The following TRPS1 variants were observed in gnomAD, a reference collection of about 807,000 sequenced individuals.
The protein encoded by TRPS1 is zinc finger transcription factor Trps1.
In TRPS1, 6 loss-of-function variants were observed where a neutral mutation model predicts 101.2. The observed-to-expected ratio is 0.06, with a 90% CI of 0.03 to 0.12. The LOEUF (loss-of-function observed/expected upper bound fraction) is 0.12. Ranked by LOEUF, TRPS1 falls within the 10% of genes least tolerant of loss-of-function variation. The pLI is 1.00. For synonymous variants in TRPS1, 578 were observed against 589.8 expected, an observed-to-expected ratio of 0.98 and a Z score of 0.29; for missense variants, 1,363 against 1,567.0, an observed-to-expected ratio of 0.87 and a Z score of 2.20.
chr8:115,637,899 C>G (rs1346184258), intron 1 of TRPS1, among the ~76,000 whole-genome samples: 1 of 152,186 alleles, frequency 6.6e-6, no homozygotes, highest in Non-Finnish European at 1.5e-5. Flanking sequence ...GTGTTTTATT[C>G]TAGCCCCGTT....
rs906907658 is a variant in TRPS1 at position 115,587,105 on chromosome 8, G to A, written c.2596C>T (p.Leu866=). ...TCTCCGCCAGCTGGCGCCCCCTGCA[G>A]GAATCCCTTGGTTTCCACAGCCAAG... is the stretch of plus-strand genomic sequence containing the variant. ...YGLAVETKGF[L]QGAPAGGEKS... The change falls in exon 5 of 7, where the codon CTG becomes TTG. Residue 866 remains leucine (L), a synonymous_variant. Transcript: ENST00000395715. 3 of 1,614,092 alleles carry A rather than the reference G, an allele frequency of 1.9e-6. No individual in the cohort carries two copies. The highest frequency in any genetic ancestry group is 2.5e-6 in the Non-Finnish European group (3 of 1,180,016).
At chr8:115,615,027 C>T (rs1221626349) in intron 3 of TRPS1, among the ~76,000 whole-genome samples, 1 of 152,246 alleles carries the variant, frequency 6.6e-6, no homozygotes, top group Non-Finnish European at 1.5e-5. Flanking sequence ...ACATATTGTG[C>T]AACTCTGATA....
chr8:115,442,177 A>G (rs1225743793), intron 5 of TRPS1, among the ~76,000 whole-genome samples: 1 of 152,118 alleles, frequency 6.6e-6, no homozygotes, highest in Non-Finnish European at 1.5e-5. Flanking sequence ...GTGCATGTAG[A>G]TATTTAGGAG....
At chr8:115,466,207 G>A (rs1013630141) in intron 5 of TRPS1, among the ~76,000 whole-genome samples, 5 of 152,098 alleles carry the variant, frequency 3.3e-5, no homozygotes, top group African/African-American at 1.2e-4. Flanking sequence ...TTTTCAAATG[G>A]ATTAACTCAT....
At chr8:115,502,921 T>C (rs1194404226) in intron 5 of TRPS1, among the ~76,000 whole-genome samples, 2 of 152,184 alleles carry the variant, frequency 1.3e-5, no homozygotes, top group Non-Finnish European at 2.9e-5. Context: ...AACCTACTGA[T>C]AAGCCCTACT....
Position 115,619,946 on chromosome 8 carries a change from G to A in TRPS1, c.152C>T (p.Ser51Phe), listed in dbSNP as rs375022768. 17 of 1,614,052 alleles carry A rather than the reference G, an allele frequency of 1.1e-5. No homozygotes were observed. The highest frequency in any genetic ancestry group is 1.6e-4 in the Middle Eastern group (1 of 6,084). The change falls in exon 3 of 7, where the codon TCT becomes TTT. Residue 51 changes from serine (S) to phenylalanine (F), a missense_variant. Ser to Phe is a radical substitution (Grantham distance 155). Transcript: ENST00000395715. The stretch of plus-strand genomic sequence containing the variant: ...CGTATTTTCTGACATCTGATCTGCA[G>A]AAAATTCTTTGTTCTTTCCAGATAC... The part of the protein sequence containing the change: ...SKVSGKNKEF[S>F]ADQMSENTDQ...
At chr8:115,492,786 T>A (rs1815060165) in intron 5 of TRPS1, among the ~76,000 whole-genome samples, 1 of 152,084 alleles carries the variant, frequency 6.6e-6, no homozygotes, top group Non-Finnish European at 1.5e-5. Flanking sequence ...AGATCTCGGC[T>A]CACTGCAACC....
chr8:115,450,172 C>A (rs1037927078), intron 5 of TRPS1, among the ~76,000 whole-genome samples: 1 of 152,106 alleles, frequency 6.6e-6, no homozygotes, highest in Non-Finnish European at 1.5e-5. Context: ...CTTACAAAAA[C>A]CTGATTAAAA....
Position 115,464,455 on chromosome 8 carries a change from T to C in TRPS1, c.2701-46003A>G, listed in dbSNP as rs112436805. ...CACTCAAACTATTTAGGAAACTGTC[T>C]GAAGTCTGAGAGTGTAGTTCATTAT... On this transcript the variant is annotated intron_variant, in intron 5 of 6. Coordinates refer to ENST00000395715, the MANE Select transcript of TRPS1 (RefSeq NM_014112.5). Among the ~76,000 whole-genome samples the C allele has an allele frequency of 4.5e-3, 685 of 152,252 alleles. 7 individuals carry two copies. Among genetic ancestry groups the C allele is most frequent in the African/African-American group, 0.015 (608 of 41,572 alleles).
At chr8:115,503,325 T>C (rs1389744221) in intron 5 of TRPS1, among the ~76,000 whole-genome samples, 2 of 149,430 alleles carry the variant, frequency 1.3e-5, no homozygotes, top group African/African-American at 2.5e-5. Flanking sequence ...TACCATAAAA[T>C]TGAACCACTG....
At chr8:115,454,761 T>C (rs755809036) in intron 5 of TRPS1, among the ~76,000 whole-genome samples, 15 of 152,188 alleles carry the variant, frequency 9.9e-5, no homozygotes, top group Non-Finnish European at 2.1e-4. Flanking sequence ...TAAAAGATCC[T>C]GCTTTCCAAA....
intron 5 of TRPS1, among the ~76,000 whole-genome samples, chr8:115,442,550 C>CGTGTGTGTGTGTGTGTGT (rs10570037): frequency 2.1e-5 from 3 of 145,014 alleles, no homozygotes; most frequent in African/African-American, 7.6e-5. Context: ...AAGTATGGTG[C>CGTGTGTGTGTGTGTGTGT]GTGTGTGTGT....
intron 5 of TRPS1, among the ~76,000 whole-genome samples, chr8:115,527,245 C>T (rs1256183040): frequency 6.6e-6 from 1 of 151,756 alleles, no homozygotes; most frequent in Non-Finnish European, 1.5e-5. Context: ...AATCTTTATT[C>T]TCTAAGCTCT....
chr8:115,562,876 CTGTGTGTGTGTGTGTGTGTGTG>C (rs10588354), intron 5 of TRPS1, among the ~76,000 whole-genome samples: 20 of 132,676 alleles, frequency 1.5e-4, no homozygotes, highest in African/African-American at 3.5e-4. Flanking sequence ...CCCACAGTGT[CTGTGTGTGTGTGTGTGTGTGTG>C]TGTGTGTGTG....
At chr8:115,475,220 C>A (rs1216704948) in intron 5 of TRPS1, among the ~76,000 whole-genome samples, 1 of 142,644 alleles carries the variant, frequency 7.0e-6, no homozygotes, top group South Asian at 2.2e-4. Context: ...TGAATAACTT[C>A]TAGGGATGAT....
chr8:115,637,598 G>T (rs2130577383), intron 1 of TRPS1, among the ~76,000 whole-genome samples: 1 of 152,190 alleles, frequency 6.6e-6, no homozygotes, highest in African/African-American at 2.4e-5. Context: ...TAGCTATATT[G>T]GAGTTATGAC....
intron 1 of TRPS1, among the ~76,000 whole-genome samples, chr8:115,658,976 T>C (rs1345546570): frequency 6.6e-6 from 1 of 152,050 alleles, no homozygotes; most frequent in Non-Finnish European, 1.5e-5. Flanking sequence ...AAGCAAAATA[T>C]GTTATAAATA....
rs184188279 is a variant in TRPS1 at position 115,600,149 on chromosome 8, C to T, written c.2096+3724G>A. 7.2e-5 allele frequency among the ~76,000 whole-genome samples: 11 copies of T among 152,218 alleles called. No individual in the cohort carries two copies. The East Asian group carries it at 2.1e-3, about 29-fold the overall frequency. The stretch of plus-strand genomic sequence containing the variant: ...ATAAATATCTTCTTTTGCGAAGTGC[C>T]TGTTCATATAGTCTCATGTTGCTTG... On this transcript the variant is annotated intron_variant, in intron 4 of 6. Transcript: ENST00000395715.
rs767630324 is a variant in TRPS1, at chr8:115,604,206, T to C, written c.1763A>G (p.Glu588Gly). The change falls in exon 4 of 7, where the codon GAA becomes GGA. Residue 588 changes from glutamate (E) to glycine (G), a missense_variant. Glu to Gly is a moderately conservative substitution (Grantham distance 98). Coordinates refer to ENST00000395715, the MANE Select transcript of TRPS1 (RefSeq NM_014112.5). The surrounding 1 kb of genome is among the most constrained non-coding windows in gnomAD (Gnocchi z 4.1). ...PFCPRGLCSP[E>G]KHLGEITYPF... ...ATAAGTAATTTCTCCAAGGTGCTTT[T>C]CTGGGCTGCAAAGTCCTCTGGGACA... The C allele has an allele frequency of 1.9e-6, 3 of 1,614,084 alleles. No homozygotes were observed. The South Asian group carries it at 3.3e-5, about 18-fold the overall frequency.
Sources: gnomAD v4.1 joint callset for allele counts (sites outside exome capture counted in the v4.1 genomes callset) on GRCh38, gnomAD v4.1.1 for gene constraint, Gnocchi (gnomAD v3.1) non-coding constraint, MANE v1.5 for transcripts, NCBI Gene and HGNC (gene_info 2026-07-23, HGNC 2026-07-21) for gene names.